DBT: variants seen among roughly 807,000 people sequenced by gnomAD.
DBT encodes the protein dihydrolipoamide branched chain transacylase E2.
Under a neutral mutation model 51.3 loss-of-function variants are expected in DBT, and 40 were observed. The ratio of observed to expected loss-of-function variants is 0.78; its 90% CI spans 0.61 to 1.02. The LOEUF (loss-of-function observed/expected upper bound fraction) is 1.02. DBT is among the 50% of genes least tolerant of loss of function. The pLI is 0.00. For synonymous variants in DBT, 181 were observed against 190.4 expected, an observed-to-expected ratio of 0.95 and a Z score of 0.41; for missense variants, 510 against 580.2, an observed-to-expected ratio of 0.88 and a Z score of 1.24.
intron 10 of DBT, among the ~76,000 whole-genome samples, chr1:100,204,393 C>T (rs560935864): frequency 6.6e-6 from 1 of 152,282 alleles, no homozygotes; most frequent in East Asian, 1.9e-4. Flanking sequence ...ATCCAACTTA[C>T]AAGGGATGTG....
intron 5 of DBT, among the ~76,000 whole-genome samples, chr1:100,218,141 C>T (rs1662605682): frequency 6.6e-6 from 1 of 152,204 alleles, no homozygotes; most frequent in Non-Finnish European, 1.5e-5. Flanking sequence ...TTCTCCCTTG[C>T]ACCCTCAGAT....
chr1:100,206,946 G>T (rs1244666382), intron 8 of DBT, among the ~76,000 whole-genome samples: 3 of 151,994 alleles, frequency 2.0e-5, no homozygotes, highest in African/African-American at 4.8e-5. Context: ...TAGCATGGTG[G>T]CACAGGCCTG....
chr1:100,240,128 G>A (rs1424707856), intron 2 of DBT, among the ~76,000 whole-genome samples: 2 of 152,100 alleles, frequency 1.3e-5, no homozygotes, highest in East Asian at 3.9e-4. Context: ...GTAAGTAAAT[G>A]GTGAAAGTCA....
At chr1:100,239,980 T>C (rs1285886196) in intron 2 of DBT, among the ~76,000 whole-genome samples, 2 of 151,808 alleles carry the variant, frequency 1.3e-5, no homozygotes, top group Non-Finnish European at 2.9e-5. Context: ...AAAAACTTAA[T>C]AGTGTAACAA....
intron 7 of DBT, among the ~76,000 whole-genome samples, chr1:100,212,806 T>C (rs533542145): frequency 2.0e-5 from 3 of 152,276 alleles, no homozygotes; most frequent in East Asian, 1.9e-4. Flanking sequence ...CCAGCAATTA[T>C]GGGTACCTTA....
At position 100,249,313 on chromosome 1, in the gene DBT, G is replaced by A. The variant is rs889619558; in HGVS notation, c.51+457C>T. ...GTGACGCCGAGCTGCTCAGTTCTTC[G>A]GAAGCAGGGACCCCTGCTGATATTC... On this transcript the variant is annotated intron_variant, in intron 1 of 10. Transcript: ENST00000370132. 2.5e-5 allele frequency: 6 copies of A among 240,452 alleles called. No individual in the cohort carries two copies. The East Asian group carries it at 2.9e-4, about 11-fold the overall frequency. 14.9% of individuals were successfully genotyped at this position (240,452 alleles called of 1,614,324 possible).
At chr1:100,200,854 T>TAGTATCAACATCAACAAAAAGG (rs1661396121) in intron 10 of DBT, among the ~76,000 whole-genome samples, 2 of 152,084 alleles carry the variant, frequency 1.3e-5, no homozygotes. Flanking sequence ...CAGAAAGGAA[T>TAGTATCAACATCAACAAAAAGG]AGTATCAACA....
At chr1:100,211,921 G>A (rs1662169411) in intron 7 of DBT, among the ~76,000 whole-genome samples, 1 of 152,058 alleles carries the variant, frequency 6.6e-6, no homozygotes. Context: ...ATAGGCGTGT[G>A]CCACCATGCC....
rs149216161 is a variant in DBT, at chr1:100,238,242, A to C, written c.175+2519T>G. Among the ~76,000 whole-genome samples the C allele has an allele frequency of 6.4e-3, 588 of 91,164 alleles. 3 individuals are homozygous for C. Among genetic ancestry groups the C allele is most frequent in the East Asian group, 0.036 (115 of 3,208 alleles). 59.8% of individuals were successfully genotyped at this position (91,164 alleles called of 152,430 possible). ...CTTCCTTTCCTCCCTTCCTTCCCTC[A>C]CTTCCTTTCCTCCCTTCCTTTCCTC... On this transcript the variant is annotated intron_variant, in intron 2 of 10. Coordinates refer to ENST00000370132, the MANE Select transcript of DBT (RefSeq NM_001918.5).
At chr1:100,218,591 A>G (rs374082935) in intron 5 of DBT, 35 bp downstream of exon 5, 9 of 1,611,824 alleles carry the variant, frequency 5.6e-6, no homozygotes, top group Non-Finnish European at 7.6e-6. Flanking sequence ...TACACTTCCT[A>G]TACAATCTCA....
At chr1:100,220,713 GA>G (rs1021843711) in intron 4 of DBT, among the ~76,000 whole-genome samples, 8 of 152,350 alleles carry the variant, frequency 5.3e-5, no homozygotes, top group Middle Eastern at 3.4e-3. Flanking sequence ...TGACTGAACA[GA>G]TTGGCTCAAG....
At chr1:100,219,201 A>T (rs555809689) in intron 4 of DBT, among the ~76,000 whole-genome samples, 2 of 152,030 alleles carry the variant, frequency 1.3e-5, no homozygotes, top group Non-Finnish European at 2.9e-5. Context: ...AAAATTTAAA[A>T]ATTAGCTGAG....
At position 100,206,459 on chromosome 1, in the gene DBT, A is replaced by C. The variant is rs1553229654; in HGVS notation, c.1195T>G (p.Ser399Ala). ...TTATTACTCACTGATCCAATGTTGG[A>C]AAGAGTAAATGTTCCTCCTGTAAGA... ...TDLTGGTFTL[S>A]NIGSIGGTFA... The change falls in exon 9 of 11, where the codon TCC becomes GCC. Residue 399 changes from serine to alanine, a missense_variant. By Grantham distance (99) the Ser-to-Ala change is moderately conservative. Transcript: ENST00000370132. 20 of 1,613,142 alleles carry C rather than the reference A, an allele frequency of 1.2e-5. No homozygotes were observed. The highest frequency in any genetic ancestry group is 1.4e-5 in the Non-Finnish European group (16 of 1,179,130).
intron 1 of DBT, among the ~76,000 whole-genome samples, chr1:100,243,940 G>GAAA (rs111614499): frequency 8.1e-5 from 11 of 136,100 alleles, no homozygotes; most frequent in Non-Finnish European, 9.2e-5. Flanking sequence ...ATAGGTTTAC[G>GAAA]AAAAAAAAAA....
chr1:100,189,294 G>T lies in DBT; in HGVS notation c.*6961C>A. On this transcript the variant is annotated 3_prime_UTR_variant, in exon 11 of 11. Transcript: ENST00000370132. ...GACGGAGGTTGCAGTGAGCAGAGCC[G>T]AGATCGCACCACTGCACTCTAGTCG... is the stretch of plus-strand genomic sequence containing the variant. 6.7e-6 allele frequency: 1 copy of T among 150,136 alleles called. No homozygotes were observed. The allele number at this position is 150,136 out of a possible 1,614,324, so 9.3% of individuals were successfully genotyped here. A position where few individuals can be genotyped will look rare whatever the true frequency, so the allele number is the denominator to read the frequency against.
chr1:100,243,330 T>G (rs1292553948), intron 1 of DBT, among the ~76,000 whole-genome samples: 1 of 151,820 alleles, frequency 6.6e-6, no homozygotes, highest in African/African-American at 2.4e-5. Context: ...TTCTTTTTTT[T>G]TTGAGATGGA....
rs529685983 is a variant in DBT, at chr1:100,214,820, T to C, written c.936A>G (p.Leu312=). 7 of 1,614,002 alleles carry C rather than the reference T, an allele frequency of 4.3e-6. No individual in the cohort carries two copies. In the African/African-American group the frequency reaches 9.3e-5, roughly 22 times the overall value. The change falls in exon 7 of 11, where the codon TTA becomes TTG. Residue 312 remains leucine (L), a synonymous_variant. Transcript: ENST00000370132. ...GIKLSFMPFF[L]KAASLGLLQF... ...GTTTGAAATGAATGAATCTCACCTT[T>C]AAGAAGAAAGGCATAAAGGAGAGTT...
chr1:100,242,752 C>T (rs1664296863), intron 1 of DBT, among the ~76,000 whole-genome samples: 1 of 152,138 alleles, frequency 6.6e-6, no homozygotes, highest in Non-Finnish European at 1.5e-5. Context: ...TTTCATCAGA[C>T]ATAAAACTTA....
intron 6 of DBT, 42 bp from the exon 7 acceptor site, chr1:100,215,025 A>T (rs370439726): frequency 3.3e-5 from 47 of 1,427,768 alleles, no homozygotes; most frequent in Admixed American, 1.7e-4. Context: ...TAAATTCTCA[A>T]ATCTCTTCAT....
Sources: gnomAD v4.1 joint callset for allele counts (sites outside exome capture counted in the v4.1 genomes callset) on GRCh38, gnomAD v4.1.1 for gene constraint, MANE v1.5 for transcripts, NCBI Gene and HGNC (gene_info 2026-07-23, HGNC 2026-07-21) for gene names.